The following CPEB1 variants were observed in gnomAD, a reference collection of about 807,000 sequenced individuals.
CPEB1 encodes cytoplasmic polyadenylation element binding protein 1, also known as cytoplasmic polyadenylation element-binding protein 1.
CPEB1 carries 7 observed loss-of-function variants against 65.8 expected under a neutral mutation model. That is an observed-to-expected ratio of 0.11 (90% CI 0.06 to 0.20). The LOEUF is 0.20. Among genes scored for constraint, CPEB1 ranks in the 10% least tolerant of loss-of-function variants. The probability of loss-of-function intolerance (pLI) is 1.00; values close to 1 mark genes in which losing one functional copy is unlikely to be tolerated. For synonymous variants in CPEB1, 262 were observed against 260.0 expected (o/e 1.01, Z -0.08); for missense variants, 551 against 712.2 (o/e 0.77, Z 2.58).
chr15:82,571,607 T>C, intron 3 of CPEB1, 75 bp from the exon 4 acceptor site: 1 of 1,523,482 alleles, frequency 6.6e-7, no homozygotes, highest in Non-Finnish European at 8.8e-7. Flanking sequence ...CAGTAAATAT[T>C]ATTAATAATA....
chr15:82,610,522 G>GA (rs554720996), intron 3 of CPEB1, among the ~76,000 whole-genome samples: 2,691 of 149,620 alleles, frequency 0.018, 30 homozygotes, highest in Non-Finnish European at 0.026. Flanking sequence ...TTCATTATAA[G>GA]AAAAAAAATC....
At chr15:82,622,372 G>A (rs753689477) in intron 3 of CPEB1, among the ~76,000 whole-genome samples, 8 of 151,838 alleles carry the variant, frequency 5.3e-5, no homozygotes, top group African/African-American at 1.5e-4. Flanking sequence ...GTATATAAAC[G>A]GGGAATTCAG....
intron 3 of CPEB1, 90 bp from the exon 4 acceptor site, chr15:82,571,622 C>T: frequency 6.7e-7 from 1 of 1,494,826 alleles, no homozygotes; most frequent in South Asian, 1.4e-5. Context: ...ATAATAGTTT[C>T]CCCAGGCTCA....
intron 3 of CPEB1, among the ~76,000 whole-genome samples, chr15:82,575,685 A>T: frequency 6.6e-6 from 1 of 152,112 alleles, no homozygotes; most frequent in Non-Finnish European, 1.5e-5. Context: ...AACTTCAAAA[A>T]GTGCTCAAAA....
intron 9 of CPEB1, 39 bp downstream of exon 9, chr15:82,552,441 C>T (rs776478528): frequency 2.0e-6 from 3 of 1,509,740 alleles, no homozygotes; most frequent in Admixed American, 2.3e-5. Context: ...CTCAATATTC[C>T]AAGACCCTCG....
At position 82,546,533 on chromosome 15, in the gene CPEB1, C is replaced by CA. The variant is rs766485481; in HGVS notation, c.1576-13dup. The CA allele has an allele frequency of 6.2e-7, 1 of 1,606,922 alleles. No individual in the cohort carries two copies. The highest frequency in any genetic ancestry group is 8.5e-7 in the Non-Finnish European group (1 of 1,173,680). ...GGGTCAATCTGAACCTGCACAAAGG[C>CA]AAAATAAGATGATGAAGTGGCTCTT... is the stretch of plus-strand genomic sequence containing the variant. On this transcript the variant is annotated splice_polypyrimidine_tract_variant and intron_variant, in intron 11 of 12. Transcript: ENST00000684509.
At chr15:82,549,241 T>C (rs544945210) in intron 10 of CPEB1, among the ~76,000 whole-genome samples, 4 of 152,300 alleles carry the variant, frequency 2.6e-5, no homozygotes, top group East Asian at 3.9e-4. Context: ...TAGTCTCCAA[T>C]AGCTTTTTCT....
chr15:82,600,162 TAAAAC>T (rs891727387), intron 3 of CPEB1, among the ~76,000 whole-genome samples: 9 of 151,924 alleles, frequency 5.9e-5, no homozygotes, highest in Non-Finnish European at 1.0e-4. Flanking sequence ...AAGGGATAAT[TAAAAC>T]AAACAAGGAA....
chr15:82,593,135 C>T (rs1479157248), intron 3 of CPEB1, among the ~76,000 whole-genome samples: 1 of 152,186 alleles, frequency 6.6e-6, no homozygotes, highest in Non-Finnish European at 1.5e-5. Flanking sequence ...TTAACTGCGG[C>T]AATTTCTTAA....
chr15:82,648,272 A>C, upstream of CPEB1: 2 of 184,146 alleles, frequency 1.1e-5, no homozygotes, highest in African/African-American at 2.3e-5. Flanking sequence ...TTTCCCTCTT[A>C]ACGAAAGAGG....
chr15:82,623,914 TCTC>T lies in CPEB1; in HGVS notation c.271+3276_271+3278del, dbSNP rs1371278325. On this transcript the variant is annotated intron_variant, in intron 3 of 12. Transcript: ENST00000684509. Reference sequence around the variant, plus strand: ...GGTACATGATATTCCATGGTATAGCTCTCCTATCATTTACTTAACATTCTGTTG... The same window carrying T: ...GGTACATGATATTCCATGGTATAGCTCTATCATTTACTTAACATTCTGTTG... Among the ~76,000 whole-genome samples, 6 of 152,278 alleles carry T rather than the reference TCTC, an allele frequency of 3.9e-5. No individual in the cohort carries two copies. The East Asian group carries it at 9.6e-4, about 24-fold the overall frequency.
At chr15:82,558,920 G>A (rs2037713936) in intron 4 of CPEB1, among the ~76,000 whole-genome samples, 2 of 151,560 alleles carry the variant, frequency 1.3e-5, no homozygotes, top group South Asian at 4.2e-4. Context: ...AGCTATGGGT[G>A]TGCTAAATCT....
At chr15:82,610,457 A>C (rs1396313703) in intron 3 of CPEB1, among the ~76,000 whole-genome samples, 1 of 152,170 alleles carries the variant, frequency 6.6e-6, no homozygotes, top group African/African-American at 2.4e-5. Context: ...AGTGGCATCT[A>C]AGATGGATTA....
chr15:82,556,694 C>T (rs1354458846), intron 5 of CPEB1, among the ~76,000 whole-genome samples: 1 of 152,198 alleles, frequency 6.6e-6, no homozygotes, highest in Non-Finnish European at 1.5e-5. Flanking sequence ...AGATAAATTT[C>T]CAAGACTGAG....
intron 3 of CPEB1, among the ~76,000 whole-genome samples, chr15:82,598,435 A>C (rs1258201460): frequency 6.6e-6 from 1 of 152,132 alleles, no homozygotes; most frequent in African/African-American, 2.4e-5. Context: ...CAGAGGTTGC[A>C]GTGAGCTGAG....
chr15:82,627,136 C>T, intron 3 of CPEB1, 57 bp downstream of exon 3: 3 of 1,403,246 alleles, frequency 2.1e-6, no homozygotes, highest in South Asian at 3.1e-5. Context: ...ACATGCACTA[C>T]TTAGAAGCAG....
rs754049552 is a variant in CPEB1 at position 82,555,913 on chromosome 15, G to A, written c.897C>T (p.Pro299=). 6.2e-6 allele frequency: 10 copies of A among 1,613,652 alleles called. No homozygotes were observed. The Admixed American group carries it at 6.7e-5, about 11-fold the overall frequency. ...SWDLLEAPKD[P]FSIEREARLH... is the part of the protein sequence containing the mutation. ...GCCTGGCCTCTCTCTCTATGCTGAA[G>A]GGGTCTTTGGGAGCTTCGAGGAGGT... Residue 299 remains proline, a synonymous_variant, in exon 6 of 13, where the codon CCC becomes CCT. Transcript: ENST00000684509.
At chr15:82,573,315 C>G in intron 3 of CPEB1, 1 of 720,880 alleles carries the variant, frequency 1.4e-6, no homozygotes, top group Non-Finnish European at 2.2e-6. Flanking sequence ...TGCTTGCTCC[C>G]TATCTGTGTT....
At chr15:82,592,404 A>G (rs1596075781) in intron 3 of CPEB1, among the ~76,000 whole-genome samples, 1 of 151,646 alleles carries the variant, frequency 6.6e-6, no homozygotes, top group Admixed American at 6.6e-5. Context: ...CCTAGGCTAC[A>G]TGGTGAAACC....
Sources: allele counts gnomAD v4.1 joint callset (sites outside exome capture counted in the v4.1 genomes callset), GRCh38; gene constraint gnomAD v4.1.1; transcripts MANE v1.5; gene names NCBI Gene and HGNC (gene_info 2026-07-23, HGNC 2026-07-21).